ARHGAP15: variants seen among roughly 807,000 people sequenced by gnomAD.
The protein encoded by ARHGAP15 is Rho GTPase activating protein 15, also known as rho GTPase-activating protein 15.
ARHGAP15 carries 51 observed loss-of-function variants against 63.7 expected under a neutral mutation model. That is an observed-to-expected ratio of 0.80 (90% CI 0.64 to 1.01). The LOEUF (loss-of-function observed/expected upper bound fraction) is 1.01, where lower values mean the gene tolerates loss of function less well. ARHGAP15 is among the 50% of genes least tolerant of loss of function. The probability of loss-of-function intolerance (pLI) is 0.00; values close to 1 mark genes in which losing one functional copy is unlikely to be tolerated. For missense variants in ARHGAP15, 560 were observed against 564.6 expected (o/e 0.99, Z 0.08); for synonymous variants, 191 against 193.8 (o/e 0.99, Z 0.12).
chr2:143,501,194 C>T (rs1369745718), intron 9 of ARHGAP15, among the ~76,000 whole-genome samples: 1 of 152,164 alleles, frequency 6.6e-6, no homozygotes, highest in Admixed American at 6.5e-5. Context: ...TTCAGAAAAA[C>T]CATTGCTCCC....
intron 13 of ARHGAP15, among the ~76,000 whole-genome samples, chr2:143,759,187 G>A (rs994731805): frequency 1.3e-5 from 2 of 152,104 alleles, no homozygotes; most frequent in African/African-American, 4.8e-5. Flanking sequence ...CATAGGTGGA[G>A]GGGTGGGGCT....
intron 11 of ARHGAP15, among the ~76,000 whole-genome samples, chr2:143,565,539 C>G (rs2105106803): frequency 6.6e-6 from 1 of 152,240 alleles, no homozygotes; most frequent in Middle Eastern, 3.4e-3. Flanking sequence ...ATGTTAGGTT[C>G]CATTTTCTCA....
chr2:143,703,476 C>T lies in ARHGAP15; in HGVS notation c.1196C>T (p.Pro399Leu), dbSNP rs772053274. 2.5e-6 allele frequency: 4 copies of T among 1,612,588 alleles called. No homozygotes were observed. Among genetic ancestry groups the T allele is most frequent in the Non-Finnish European group, 3.4e-6 (4 of 1,179,412 alleles). The change falls in exon 13 of 14, where the codon CCT (proline) becomes CTT (leucine). Residue 399 changes from proline to leucine, a missense_variant. By Grantham distance (98) the Pro-to-Leu change is moderately conservative (BLOSUM62 -3). Coordinates refer to ENST00000295095, the MANE Select transcript of ARHGAP15 (RefSeq NM_018460.4). ...EAVKSLVQKL[P>L]PPNRDTMKVL... is the part of the protein sequence containing the mutation. ...GTAAAATCTCTTGTACAAAAACTCC[C>T]TCCGCCAAATCGTGACACCATGAAA... is the stretch of plus-strand genomic sequence containing the variant.
chr2:143,677,349 A>G (rs1682877928), intron 12 of ARHGAP15, among the ~76,000 whole-genome samples: 1 of 152,198 alleles, frequency 6.6e-6, no homozygotes, highest in African/African-American at 2.4e-5. Context: ...TGGTGTAGGG[A>G]ATAAAACAAG....
chr2:143,360,449 C>T (rs1446625549), intron 6 of ARHGAP15, among the ~76,000 whole-genome samples: 1 of 151,544 alleles, frequency 6.6e-6, no homozygotes, highest in African/African-American at 2.4e-5. Flanking sequence ...TATTCTAGGA[C>T]ATTGTAGGCA....
intron 6 of ARHGAP15, among the ~76,000 whole-genome samples, chr2:143,388,980 A>G (rs1222401915): frequency 6.6e-6 from 1 of 151,876 alleles, no homozygotes; most frequent in African/African-American, 2.4e-5. Context: ...AGTAGTTTAG[A>G]TAGCTTCAGT....
chr2:143,505,941 A>G (rs1354366030), intron 9 of ARHGAP15, among the ~76,000 whole-genome samples: 1 of 152,170 alleles, frequency 6.6e-6, no homozygotes, highest in Non-Finnish European at 1.5e-5. Flanking sequence ...CTTTGAGAAC[A>G]CCCTTAAGAC....
intron 6 of ARHGAP15, among the ~76,000 whole-genome samples, chr2:143,346,773 T>C (rs1425547390): frequency 6.6e-6 from 1 of 152,142 alleles, no homozygotes; most frequent in Non-Finnish European, 1.5e-5. Context: ...ATTCATTTTT[T>C]TGATATAACC....
intron 1 of ARHGAP15, among the ~76,000 whole-genome samples, chr2:143,141,816 A>G (rs1689378434): frequency 6.6e-6 from 1 of 152,160 alleles, no homozygotes; most frequent in South Asian, 2.1e-4. Context: ...TAGGCAGCAC[A>G]ATCACCATTC....
At chr2:143,353,733 TTGAC>T (rs560640039) in intron 6 of ARHGAP15, among the ~76,000 whole-genome samples, 105 of 152,262 alleles carry the variant, frequency 6.9e-4, no homozygotes, top group African/African-American at 2.3e-3. Flanking sequence ...TATTTGTTGA[TTGAC>T]TGGGAAACTA....
At chr2:143,208,947 A>G (rs1692458687) in intron 3 of ARHGAP15, among the ~76,000 whole-genome samples, 1 of 152,178 alleles carries the variant, frequency 6.6e-6, no homozygotes, top group Non-Finnish European at 1.5e-5. Context: ...TTTTGAGGAC[A>G]GAGCTCAGGA....
chr2:143,509,324 C>T (rs1574552185), intron 9 of ARHGAP15, among the ~76,000 whole-genome samples: 1 of 143,864 alleles, frequency 7.0e-6, no homozygotes, highest in South Asian at 2.2e-4. Flanking sequence ...CTTGTACTTG[C>T]CTCTTATGAA....
chr2:143,441,684 T>C (rs969588684), intron 8 of ARHGAP15, among the ~76,000 whole-genome samples: 2 of 152,140 alleles, frequency 1.3e-5, no homozygotes, highest in African/African-American at 4.8e-5. Flanking sequence ...TGTGGAGACC[T>C]TGGATAACTT....
intron 3 of ARHGAP15, among the ~76,000 whole-genome samples, chr2:143,211,743 ATT>A (rs1692570276): frequency 2.0e-5 from 3 of 152,156 alleles, no homozygotes. Context: ...TATCATCATT[ATT>A]AGTGTTTACT....
intron 6 of ARHGAP15, among the ~76,000 whole-genome samples, chr2:143,257,128 G>C (rs1194811225): frequency 6.6e-6 from 1 of 152,064 alleles, no homozygotes; most frequent in East Asian, 1.9e-4. Context: ...TATGTTGCCT[G>C]GGTGATCCCG....
chr2:143,739,554 A>G (rs942937026), intron 13 of ARHGAP15, among the ~76,000 whole-genome samples: 3 of 152,048 alleles, frequency 2.0e-5, no homozygotes, highest in African/African-American at 4.8e-5. Flanking sequence ...CAAAGCTCCA[A>G]CTCTTCTAAA....
At chr2:143,579,346 G>A (rs1057024874) in intron 11 of ARHGAP15, among the ~76,000 whole-genome samples, 2 of 152,166 alleles carry the variant, frequency 1.3e-5, no homozygotes, top group African/African-American at 4.8e-5. Flanking sequence ...GAGAACACTT[G>A]TAGCTGGCTC....
chr2:143,221,819 C>T (rs1427628717), intron 4 of ARHGAP15, among the ~76,000 whole-genome samples: 2 of 152,068 alleles, frequency 1.3e-5, no homozygotes, highest in South Asian at 4.1e-4. Flanking sequence ...CAGAAGATGG[C>T]TACGAAAAGA....
At chr2:143,520,192 T>C (rs1394154506) in intron 10 of ARHGAP15, among the ~76,000 whole-genome samples, 1 of 152,132 alleles carries the variant, frequency 6.6e-6, no homozygotes, top group African/African-American at 2.4e-5. Flanking sequence ...AAAGGATTGG[T>C]GAACCTATTC....
Sources: gnomAD v4.1 joint callset for allele counts (sites outside exome capture counted in the v4.1 genomes callset) on GRCh38, gnomAD v4.1.1 for gene constraint, MANE v1.5 for transcripts, NCBI Gene and HGNC (gene_info 2026-07-23, HGNC 2026-07-21) for gene names.